VWA3A: variants seen among roughly 807,000 people sequenced by gnomAD.
VWA3A encodes the protein von Willebrand factor A domain containing 3A, also known as von Willebrand factor A domain-containing protein 3A.
VWA3A carries 134 observed loss-of-function variants against 160.4 expected under a neutral mutation model. The observed-to-expected ratio is 0.84, with a 90% CI of 0.73 to 0.96. VWA3A has a LOEUF of 0.96. VWA3A is among the 40% of genes least tolerant of loss of function. The pLI is 0.00. For missense variants in VWA3A, 1,310 were observed against 1,447.9 expected, an observed-to-expected ratio of 0.90 and a Z score of 1.55; for synonymous variants, 476 against 543.4, an observed-to-expected ratio of 0.88 and a Z score of 1.72.
chr16:22,147,454 G>C (rs926193244), intron 27 of VWA3A: 4 of 646,632 alleles, frequency 6.2e-6, no homozygotes, highest in African/African-American at 1.8e-5. Context: ...AGGGGATTCG[G>C]GCTATGGGGC....
rs1047797 is a variant in VWA3A, at chr16:22,156,883, T to C, written c.*866T>C. On this transcript the variant is annotated 3_prime_UTR_variant, in exon 34 of 34. Transcript: ENST00000389398. ...TAACTGTTTGAAGTGATCATTGGCG[T>C]GTGTGTGTGTGCATAAATTTTTAGT... The C allele has an allele frequency of 4.6e-5, 7 of 152,102 alleles. 1 individual carries two copies. The highest frequency in any genetic ancestry group is 4.6e-4 in the Admixed American group (7 of 15,276). The allele number at this position is 152,102 out of a possible 1,614,324, so 9.4% of individuals were successfully genotyped here.
intron 26 of VWA3A, among the ~76,000 whole-genome samples, chr16:22,145,422 T>C (rs1238961471): frequency 4.6e-5 from 7 of 152,130 alleles, no homozygotes; most frequent in Non-Finnish European, 1.0e-4. Context: ...GCGGATCACC[T>C]GAGGTCAGGA....
intron 17 of VWA3A, among the ~76,000 whole-genome samples, chr16:22,129,171 C>T (rs560020319): frequency 1.3e-5 from 2 of 151,438 alleles, no homozygotes; most frequent in South Asian, 2.1e-4. Flanking sequence ...GGGCGGATCA[C>T]GAGGTCAGGA....
intron 28 of VWA3A, 145 bp downstream of exon 28, chr16:22,148,451 TG>T: frequency 8.4e-7 from 1 of 1,189,522 alleles, no homozygotes; most frequent in Non-Finnish European, 1.1e-6. Context: ...GAAAGAGCAC[TG>T]TATTCTGCTC....
At chr16:22,141,297 C>T (rs1022445854) in intron 23 of VWA3A, 26 of 582,088 alleles carry the variant, frequency 4.5e-5, no homozygotes, top group Non-Finnish European at 8.4e-5. Context: ...CTTACCTTAT[C>T]TGTAAACTGG....
At chr16:22,150,883 T>C in intron 30 of VWA3A, 37 bp downstream of exon 30, 1 of 1,589,652 alleles carries the variant, frequency 6.3e-7, no homozygotes, top group Non-Finnish European at 8.6e-7. Flanking sequence ...TTTATTCTTT[T>C]TCCACAGCCA....
chr16:22,144,716 G>C (rs777846959), intron 26 of VWA3A, among the ~76,000 whole-genome samples: 13 of 151,898 alleles, frequency 8.6e-5, no homozygotes, highest in Non-Finnish European at 1.8e-4. Context: ...CCAAGAGTTT[G>C]AGACCAGCCT....
intron 22 of VWA3A, 128 bp from the exon 23 acceptor site, chr16:22,140,026 C>A: frequency 1.2e-6 from 1 of 839,082 alleles, no homozygotes; most frequent in Non-Finnish European, 1.9e-6. Context: ...CCAAACCTGT[C>A]TGAGGAGTCC....
chr16:22,141,808 T>A, intron 24 of VWA3A, 116 bp downstream of exon 24: 1 of 820,582 alleles, frequency 1.2e-6, no homozygotes, highest in Non-Finnish European at 1.9e-6. Flanking sequence ...TAGGCACTGG[T>A]GCCTCTGGAG....
At chr16:22,147,213 A>G (rs549197495) in intron 27 of VWA3A, among the ~76,000 whole-genome samples, 1 of 152,152 alleles carries the variant, frequency 6.6e-6, no homozygotes, top group South Asian at 2.1e-4. Context: ...TTTTAGATAC[A>G]GAGTCTTTCT....
chr16:22,094,472 C>T (rs1480576405), intron 1 of VWA3A, among the ~76,000 whole-genome samples: 3 of 152,082 alleles, frequency 2.0e-5, no homozygotes, highest in African/African-American at 7.2e-5. Flanking sequence ...CAAGAACACA[C>T]ACTCTAAGTT....
intron 15 of VWA3A, chr16:22,123,403 C>A (rs2045781581): frequency 9.4e-6 from 14 of 1,491,280 alleles, no homozygotes; most frequent in Non-Finnish European, 1.3e-5. Context: ...GCTTCCTTCC[C>A]CATTTGATGC....
chr16:22,143,149 C>CA (rs776095104), intron 25 of VWA3A, among the ~76,000 whole-genome samples: 352 of 68,584 alleles, frequency 5.1e-3, no homozygotes, highest in South Asian at 0.028. Context: ...GACTCTGTCT[C>CA]AAAAAAAAAA....
At chr16:22,117,012 T>C in intron 10 of VWA3A, 99 bp from the exon 11 acceptor site, 1 of 1,449,206 alleles carries the variant, frequency 6.9e-7, no homozygotes, top group South Asian at 1.2e-5. Flanking sequence ...TTTGGTAAAA[T>C]GGGAAGCTTT....
At chr16:22,120,110 T>G (rs2045707774) in intron 12 of VWA3A, among the ~76,000 whole-genome samples, 1 of 152,178 alleles carries the variant, frequency 6.6e-6, no homozygotes, top group Non-Finnish European at 1.5e-5. Flanking sequence ...CTTAACACTC[T>G]GAGGTAAGTA....
intron 8 of VWA3A, among the ~76,000 whole-genome samples, chr16:22,112,117 G>C (rs908872165): frequency 6.6e-6 from 1 of 152,074 alleles, no homozygotes; most frequent in African/African-American, 2.4e-5. Context: ...GAATTCTACT[G>C]CAGGGATGTC....
At chr16:22,100,984 A>T (rs1454038156) in intron 5 of VWA3A, among the ~76,000 whole-genome samples, 2 of 150,188 alleles carry the variant, frequency 1.3e-5, no homozygotes, top group African/African-American at 4.9e-5. Flanking sequence ...AAAAAAAAAA[A>T]GGAAAAACTA....
intron 23 of VWA3A, 147 bp from the exon 24 acceptor site, chr16:22,141,435 G>A: frequency 1.4e-6 from 1 of 692,080 alleles, no homozygotes; most frequent in Non-Finnish European, 2.6e-6. Flanking sequence ...CCTGGCGGGG[G>A]AGGACACAGG....
Position 22,097,670 on chromosome 16 carries a change from A to C in VWA3A, c.200A>C (p.His67Pro). The change falls in exon 3 of 34, where the codon CAT (histidine) becomes CCT (proline). Residue 67 changes from histidine (H) to proline (P), a missense_variant. By Grantham distance (77) the His-to-Pro change is moderately conservative (BLOSUM62 -2). Coordinates refer to ENST00000389398, the MANE Select transcript of VWA3A (RefSeq NM_173615.5). ...QNSDNGLLVT[H>P]VNQTQDLLRL... ...TCGGACAATGGATTATTGGTTACAC[A>C]TGTTAACCAGACACAGGACTTACTG... 1 of 1,551,724 alleles carries C rather than the reference A, an allele frequency of 6.4e-7. No individual in the cohort carries two copies. Among genetic ancestry groups the C allele is most frequent in the South Asian group, 1.2e-5 (1 of 84,064 alleles).
Sources: gnomAD v4.1 joint callset for allele counts (sites outside exome capture counted in the v4.1 genomes callset) on GRCh38, gnomAD v4.1.1 for gene constraint, MANE v1.5 for transcripts, NCBI Gene and HGNC (gene_info 2026-07-23, HGNC 2026-07-21) for gene names.